The following NFIA variants were observed in gnomAD, a reference collection of about 807,000 sequenced individuals.
NFIA encodes nuclear factor I A.
Under a neutral mutation model 62.8 loss-of-function variants are expected in NFIA, and 8 were observed. That is an observed-to-expected ratio of 0.13 (90% confidence interval 0.07 to 0.23). NFIA has a LOEUF of 0.23. Ranked by LOEUF, NFIA falls within the 10% of genes least tolerant of loss-of-function variation. The probability of loss-of-function intolerance (pLI) is 1.00; values close to 1 mark genes in which losing one functional copy is unlikely to be tolerated. For synonymous variants in NFIA, 235 were observed against 238.1 expected, an observed-to-expected ratio of 0.99 and a Z score of 0.12; for missense variants, 410 against 642.1, an observed-to-expected ratio of 0.64 and a Z score of 3.91.
At chr1:61,402,101 G>A (rs1665593815) in intron 7 of NFIA, among the ~76,000 whole-genome samples, 1 of 143,934 alleles carries the variant, frequency 6.9e-6, no homozygotes. Flanking sequence ...GCAGTGGCGC[G>A]ATCTCGGCTC....
At chr1:61,388,389 A>G (rs189064860) in intron 7 of NFIA, among the ~76,000 whole-genome samples, 15 of 152,312 alleles carry the variant, frequency 9.8e-5, no homozygotes, top group African/African-American at 3.4e-4. Flanking sequence ...ATCTTTCTTC[A>G]TCCCTTTGCC....
intron 5 of NFIA, 100 bp from the exon 6 acceptor site, chr1:61,359,047 C>A (rs982177507): frequency 1.3e-6 from 2 of 1,516,870 alleles, no homozygotes; most frequent in African/African-American, 1.4e-5. Context: ...TTAAGTTGCC[C>A]AATTGCTTCC....
intron 2 of NFIA, among the ~76,000 whole-genome samples, chr1:61,119,586 T>G (rs1179219281): frequency 6.6e-6 from 1 of 152,220 alleles, no homozygotes; most frequent in Non-Finnish European, 1.5e-5. Context: ...TGAAATAACT[T>G]GTGATAGTTC....
intron 2 of NFIA, among the ~76,000 whole-genome samples, chr1:61,113,738 G>A (rs1206017148): frequency 9.5e-6 from 1 of 105,504 alleles, no homozygotes; most frequent in African/African-American, 3.6e-5. Flanking sequence ...GAGAGAATGA[G>A]CAGAGGCCAT....
At chr1:61,204,302 G>C (rs1393552649) in intron 2 of NFIA, among the ~76,000 whole-genome samples, 2 of 152,160 alleles carry the variant, frequency 1.3e-5, no homozygotes, top group Non-Finnish European at 2.9e-5. Flanking sequence ...GTTAGCTGGT[G>C]GACTGGATGT....
intron 2 of NFIA, among the ~76,000 whole-genome samples, chr1:61,130,106 C>T (rs901162061): frequency 3.9e-5 from 6 of 152,122 alleles, no homozygotes; most frequent in Non-Finnish European, 8.8e-5. Flanking sequence ...TCTTACCAGC[C>T]TACACTCTAA....
intron 2 of NFIA, among the ~76,000 whole-genome samples, chr1:61,201,299 T>G (rs1652474417): frequency 6.6e-6 from 1 of 152,208 alleles, no homozygotes; most frequent in South Asian, 2.1e-4. Context: ...TTCCTTGAGA[T>G]AAAACTGGCT....
At chr1:61,245,384 C>A (rs1327996839) in intron 2 of NFIA, among the ~76,000 whole-genome samples, 3 of 152,040 alleles carry the variant, frequency 2.0e-5, no homozygotes, top group African/African-American at 7.2e-5. Context: ...AGTTCAAAGT[C>A]CTAACTATAG....
At chr1:61,377,758 C>T (rs1664220976) in intron 6 of NFIA, among the ~76,000 whole-genome samples, 2 of 152,272 alleles carry the variant, frequency 1.3e-5, no homozygotes, top group South Asian at 4.2e-4. Context: ...CAAACTCCTG[C>T]GACAGACAAG....
intron 9 of NFIA, among the ~76,000 whole-genome samples, chr1:61,422,913 A>G (rs1051660997): frequency 1.3e-5 from 2 of 152,100 alleles, no homozygotes; most frequent in Non-Finnish European, 2.9e-5. Flanking sequence ...TTCTTGAGCC[A>G]TTCCCCGACT....
At chr1:61,175,910 A>G (rs1650310800) in intron 2 of NFIA, among the ~76,000 whole-genome samples, 1 of 152,234 alleles carries the variant, frequency 6.6e-6, no homozygotes, top group South Asian at 2.1e-4. Context: ...GGAGAAAGAA[A>G]AGCAAAGACA....
intron 4 of NFIA, among the ~76,000 whole-genome samples, chr1:61,347,068 G>A (rs915409953): frequency 1.3e-5 from 2 of 152,032 alleles, no homozygotes; most frequent in Non-Finnish European, 2.9e-5. Flanking sequence ...AGATTTGGGT[G>A]GGGACACAGA....
chr1:61,317,416 A>G (rs1040149430), intron 3 of NFIA, among the ~76,000 whole-genome samples: 1 of 152,074 alleles, frequency 6.6e-6, no homozygotes, highest in Non-Finnish European at 1.5e-5. Context: ...GGTGATTTAT[A>G]TTTGAAAATA....
intron 6 of NFIA, among the ~76,000 whole-genome samples, chr1:61,379,268 G>C (rs1182743270): frequency 6.6e-6 from 1 of 151,934 alleles, no homozygotes; most frequent in African/African-American, 2.4e-5. Context: ...GTCTCTCTCT[G>C]TTGCCCAGGC....
intron 8 of NFIA, among the ~76,000 whole-genome samples, 167 bp from the exon 9 acceptor site, chr1:61,406,395 C>A (rs1265420379): frequency 6.6e-6 from 1 of 152,180 alleles, no homozygotes; most frequent in Non-Finnish European, 1.5e-5. Context: ...CAGAACCCAA[C>A]AATGGACATT....
At chr1:61,426,377 C>T (rs929488036) in intron 9 of NFIA, 88 bp from the exon 10 acceptor site, 4 of 859,374 alleles carry the variant, frequency 4.7e-6, no homozygotes, top group African/African-American at 3.3e-5. Context: ...TAATCAGCTG[C>T]GTCGGCTCGG....
At chr1:61,227,160 G>A (rs1654384957) in intron 2 of NFIA, among the ~76,000 whole-genome samples, 1 of 152,200 alleles carries the variant, frequency 6.6e-6, no homozygotes. Flanking sequence ...CTGACAAGCA[G>A]CATTTTTTTC....
intron 6 of NFIA, among the ~76,000 whole-genome samples, chr1:61,364,615 A>AC (rs144139878): frequency 0.047 from 7,216 of 152,254 alleles, 212 homozygotes; most frequent in Admixed American, 0.096. Context: ...AGTATCCCTC[A>AC]CCTGAAAGTG....
intron 2 of NFIA, among the ~76,000 whole-genome samples, chr1:61,100,850 C>CCT (rs1646495552): frequency 6.6e-6 from 1 of 152,106 alleles, no homozygotes; most frequent in South Asian, 2.1e-4. Flanking sequence ...CCCACCTCAG[C>CCT]CTCTCAAAGT....
Sources: allele counts gnomAD v4.1 joint callset (sites outside exome capture counted in the v4.1 genomes callset), GRCh38; gene constraint gnomAD v4.1.1; transcripts MANE v1.5; gene names NCBI Gene and HGNC (gene_info 2026-07-23, HGNC 2026-07-21).